ARMH3: variants seen among roughly 807,000 people sequenced by gnomAD.
ARMH3 encodes the protein armadillo like helical domain containing 3, also known as armadillo-like helical domain-containing protein 3.
ARMH3 carries 60 observed loss-of-function variants against 99.1 expected under a neutral mutation model. That is an observed-to-expected ratio of 0.61 (90% confidence interval 0.49 to 0.75). The LOEUF (loss-of-function observed/expected upper bound fraction) is 0.75, where lower values mean the gene tolerates loss of function less well. Among genes scored for constraint, ARMH3 ranks in the 30% least tolerant of loss-of-function variants. The probability of loss-of-function intolerance (pLI) is 0.00; values close to 1 mark genes in which losing one functional copy is unlikely to be tolerated. For missense variants in ARMH3, 679 were observed against 843.1 expected (o/e 0.81, Z 2.41); for synonymous variants, 285 against 292.8 (o/e 0.97, Z 0.27).
intron 24 of ARMH3, among the ~76,000 whole-genome samples, chr10:101,880,490 T>TCACC (rs532048168): frequency 1.4e-3 from 207 of 152,212 alleles, no homozygotes; most frequent in African/African-American, 4.8e-3. Flanking sequence ...CAACAACCTG[T>TCACC]GGTGTGCTGG....
At chr10:101,881,986 C>A (rs1419342271) in intron 24 of ARMH3, among the ~76,000 whole-genome samples, 2 of 152,132 alleles carry the variant, frequency 1.3e-5, no homozygotes, top group Non-Finnish European at 2.9e-5. Context: ...CAGAATAGAT[C>A]CACTGGTAAG....
Position 101,977,722 on chromosome 10 carries a change from C to G in ARMH3, c.1407-2422G>C, listed in dbSNP as rs900638178. Among the ~76,000 whole-genome samples the G allele has an allele frequency of 3.8e-4, 58 of 152,154 alleles. 1 individual carries two copies. The highest frequency in any genetic ancestry group is 1.4e-3 in the African/African-American group (57 of 41,444). ...ATGGGTTAATGGATTAATGGGTTATCATGAGAGTGGGTTAGTTATCATGAG... is the reference window on the plus strand; with the variant it reads ...ATGGGTTAATGGATTAATGGGTTATGATGAGAGTGGGTTAGTTATCATGAG... On this transcript the variant is annotated intron_variant, in intron 19 of 25. Coordinates refer to ENST00000370033, the MANE Select transcript of ARMH3 (RefSeq NM_024541.3).
rs546986319 is a variant in ARMH3, at chr10:101,998,535, T to A, written c.1151-3180A>T. On this transcript the variant is annotated intron_variant, in intron 15 of 25. Transcript: ENST00000370033. ...AAAGTCTAAGTTTGCAAGGCAGAAA[T>A]CTCCAAGAGCTAATACAATATGTCT... Among the ~76,000 whole-genome samples the A allele has an allele frequency of 2.0e-5, 3 of 152,302 alleles. No individual in the cohort carries two copies. In the South Asian group the frequency reaches 6.2e-4, roughly 32 times the overall value.
intron 23 of ARMH3, among the ~76,000 whole-genome samples, chr10:101,894,235 T>C (rs1464328008): frequency 6.6e-6 from 1 of 152,188 alleles, no homozygotes; most frequent in Admixed American, 6.5e-5. Flanking sequence ...TGGAGGGTAT[T>C]CGCCCTAAGC....
intron 24 of ARMH3, among the ~76,000 whole-genome samples, chr10:101,867,714 C>T (rs1293340303): frequency 6.6e-6 from 1 of 151,704 alleles, no homozygotes; most frequent in Non-Finnish European, 1.5e-5. Context: ...TGCCTGTGGT[C>T]CCAGCTACTC....
intron 23 of ARMH3, among the ~76,000 whole-genome samples, chr10:101,932,643 C>T (rs1438964417): frequency 2.6e-5 from 4 of 152,178 alleles, no homozygotes. Flanking sequence ...TTATATTAGG[C>T]AAAATAATCC....
At chr10:101,889,260 A>T in intron 24 of ARMH3, 152 bp downstream of exon 24, 1 of 764,030 alleles carries the variant, frequency 1.3e-6, no homozygotes, top group Non-Finnish European at 2.3e-6. Flanking sequence ...TATTAAAAGT[A>T]CTATCAACCA....
At chr10:101,872,305 CATAA>C (rs1418070388) in intron 24 of ARMH3, among the ~76,000 whole-genome samples, 7 of 151,432 alleles carry the variant, frequency 4.6e-5, no homozygotes, top group Non-Finnish European at 1.0e-4. Flanking sequence ...TATAAAAACT[CATAA>C]ATAATACAAT....
rs746206169 is a variant in ARMH3 at position 101,918,040 on chromosome 10, T to TTTTG, written c.1781+21819_1781+21822dup. 8.0e-4 allele frequency among the ~76,000 whole-genome samples: 122 copies of TTTTG among 152,194 alleles called. 1 individual carries two copies. Among genetic ancestry groups the TTTTG allele is most frequent in the East Asian group, 1.5e-3 (8 of 5,166 alleles). ...AGAATCTCCAGTATATCATGGGGTT[T>TTTTG]TTTGTTTGTTTGTTTGTTTGTTTTT... is the stretch of plus-strand genomic sequence containing the variant. On this transcript the variant is annotated intron_variant, in intron 23 of 25. Coordinates refer to ENST00000370033, the MANE Select transcript of ARMH3 (RefSeq NM_024541.3).
intron 24 of ARMH3, 114 bp from the exon 25 acceptor site, chr10:101,850,006 C>G (rs1420786624): frequency 8.5e-6 from 7 of 821,898 alleles, no homozygotes; most frequent in Non-Finnish European, 1.4e-5. Flanking sequence ...CCCCAAGAAA[C>G]CTTGCTTATT....
intron 13 of ARMH3, 80 bp from the exon 14 acceptor site, chr10:102,006,713 C>CCAGTCCTTAT: frequency 7.7e-7 from 1 of 1,304,272 alleles, no homozygotes; most frequent in Non-Finnish European, 1.1e-6. Context: ...CCAATAAGGA[C>CCAGTCCTTAT]TGGTATTCTG....
chr10:101,876,233 G>A (rs920415710), intron 24 of ARMH3, among the ~76,000 whole-genome samples: 2 of 109,004 alleles, frequency 1.8e-5, no homozygotes, highest in African/African-American at 7.5e-5. Flanking sequence ...TGGCGACAGA[G>A]CAAGGCTCCA....
intron 15 of ARMH3, among the ~76,000 whole-genome samples, chr10:102,000,015 G>A (rs538160360): frequency 1.1e-4 from 17 of 152,162 alleles, no homozygotes; most frequent in African/African-American, 2.9e-4. Context: ...CCTAGGAGGC[G>A]GAGGTTGCAG....
At position 101,957,878 on chromosome 10, in the gene ARMH3, T is replaced by G. The variant is rs559727443; in HGVS notation, c.1496-146A>C. ...AAGGTCTTTTAAAAAGCAGGTAAGG[T>G]AGGTATATTTGAGGAAAGCACTCAC... On this transcript the variant is annotated intron_variant, in intron 20 of 25. Coordinates refer to ENST00000370033, the MANE Select transcript of ARMH3 (RefSeq NM_024541.3). The G allele has an allele frequency of 3.0e-5, 36 of 1,199,074 alleles. 1 individual carries two copies. In the South Asian group the frequency reaches 5.6e-4, roughly 19 times the overall value. 74.3% of individuals were successfully genotyped at this position (1,199,074 alleles called of 1,614,324 possible). A position where few individuals can be genotyped will look rare whatever the true frequency, so the allele number is the denominator to read the frequency against.
At chr10:101,896,526 T>TTATATGATTA (rs1248442682) in intron 23 of ARMH3, among the ~76,000 whole-genome samples, 1 of 152,168 alleles carries the variant, frequency 6.6e-6, no homozygotes, top group Non-Finnish European at 1.5e-5. Flanking sequence ...AACCCTATGA[T>TTATATGATTA]TATACCAGAA....
intron 11 of ARMH3, 94 bp from the exon 12 acceptor site, chr10:102,010,117 T>A (rs2066599326): frequency 1.7e-6 from 2 of 1,165,730 alleles, no homozygotes. Flanking sequence ...GAAAACAAGC[T>A]GCTTCCACCT....
intron 23 of ARMH3, among the ~76,000 whole-genome samples, chr10:101,928,481 T>C (rs1271660281): frequency 6.6e-6 from 1 of 152,166 alleles, no homozygotes; most frequent in African/African-American, 2.4e-5. Context: ...CGGCAGGCCC[T>C]ACCTTAGTGG....
At position 101,948,512 on chromosome 10, in the gene ARMH3, G is replaced by A. The variant is rs74540517; in HGVS notation, c.1705+8085C>T. Among the ~76,000 whole-genome samples, 20 of 152,268 alleles carry A rather than the reference G, an allele frequency of 1.3e-4. No homozygotes were observed. In the East Asian group the frequency reaches 3.7e-3, roughly 28 times the overall value. On this transcript the variant is annotated intron_variant, in intron 22 of 25. Transcript: ENST00000370033. ...AACAAGGAATACTACCTGGGTGAAG[G>A]AGGATATTATATAATGATAAAAGAG...
chr10:101,864,702 T>C (rs1400380673), intron 24 of ARMH3, among the ~76,000 whole-genome samples: 3 of 151,988 alleles, frequency 2.0e-5, no homozygotes, highest in Admixed American at 6.6e-5. Flanking sequence ...ATGAGAACAC[T>C]TGGACACAGG....
Sources: allele counts gnomAD v4.1 joint callset (sites outside exome capture counted in the v4.1 genomes callset), GRCh38; gene constraint gnomAD v4.1.1; transcripts MANE v1.5; gene names NCBI Gene and HGNC (gene_info 2026-07-23, HGNC 2026-07-21).